Variants in GRIK4 observed in about 807,000 individuals in gnomAD.
The protein encoded by GRIK4 is glutamate ionotropic receptor kainate type subunit 4.
In GRIK4, 40 loss-of-function variants were observed where a neutral mutation model predicts 104.9. The observed-to-expected ratio is 0.38, with a 90% CI of 0.30 to 0.50. GRIK4 has a LOEUF of 0.50. Among genes scored for constraint, GRIK4 ranks in the 20% least tolerant of loss-of-function variants. The probability of loss-of-function intolerance (pLI) is 0.93; values close to 1 mark genes in which losing one functional copy is unlikely to be tolerated. For synonymous variants in GRIK4, 485 were observed against 524.9 expected (o/e 0.92, Z 1.04); for missense variants, 1,047 against 1,308.1 (o/e 0.80, Z 3.08).
intron 1 of GRIK4, among the ~76,000 whole-genome samples, chr11:120,651,126 G>A (rs1037090325): frequency 3.8e-4 from 58 of 152,298 alleles, no homozygotes; most frequent in African/African-American, 1.4e-3. Context: ...CAGCAAGCAG[G>A]CATGGGAGGC....
In GRIK4 at chr11:120,587,921, T is replaced by A. The variant is rs570074946; in HGVS notation, c.-158-65764T>A. Among the ~76,000 whole-genome samples the A allele has an allele frequency of 2.0e-3, 302 of 152,266 alleles. 1 individual carries two copies. The highest frequency in any genetic ancestry group is 7.0e-3 in the African/African-American group (289 of 41,544). Reference sequence around the variant, plus strand: ...AGCAACTAGCTGCATTATTAAGAGATCTTTCTAATTCCATCCTGATATGGC... The same window carrying A: ...AGCAACTAGCTGCATTATTAAGAGAACTTTCTAATTCCATCCTGATATGGC... On this transcript the variant is annotated intron_variant, in intron 1 of 20. Coordinates refer to ENST00000527524, the MANE Select transcript of GRIK4 (RefSeq NM_014619.5).
At chr11:120,919,360 T>C (rs73007833) in intron 13 of GRIK4, among the ~76,000 whole-genome samples, 2,649 of 151,768 alleles carry the variant, frequency 0.017, 36 homozygotes, top group Non-Finnish European at 0.03. Flanking sequence ...TTAAAGAGAG[T>C]GGAGAGTAAC....
intron 3 of GRIK4, among the ~76,000 whole-genome samples, chr11:120,687,604 A>G (rs1212848455): frequency 2.0e-5 from 3 of 151,998 alleles, no homozygotes; most frequent in Non-Finnish European, 2.9e-5. Context: ...TAACTTTTTT[A>G]TTGAATGCTC....
rs533031597 is a variant in GRIK4, at chr11:120,854,086, A to G, written c.745-7873A>G. Among the ~76,000 whole-genome samples, 8 of 152,362 alleles carry G rather than the reference A, an allele frequency of 5.3e-5. 1 individual carries two copies. Among genetic ancestry groups the G allele is most frequent in the African/African-American group, 1.4e-4 (6 of 41,590 alleles). ...TCGGGAGCCCCAAAAGCAGTGCATG[A>G]AAGTGCCCTGTAAGCTTCATTCAGC... is the stretch of plus-strand genomic sequence containing the variant. On this transcript the variant is annotated intron_variant, in intron 8 of 20. Transcript: ENST00000527524.
chr11:120,923,907 C>A (rs888152142), intron 13 of GRIK4, among the ~76,000 whole-genome samples: 2 of 152,128 alleles, frequency 1.3e-5, no homozygotes, highest in Non-Finnish European at 2.9e-5. Flanking sequence ...GGTAGTTCAT[C>A]CACCCAGCAC....
chr11:120,855,843 G>A (rs887606093), intron 8 of GRIK4, among the ~76,000 whole-genome samples: 2 of 152,236 alleles, frequency 1.3e-5, no homozygotes, highest in African/African-American at 2.4e-5. Flanking sequence ...GATTATAGGC[G>A]TGAGCCACCG....
At position 120,902,933 on chromosome 11, in the gene GRIK4, T is replaced by TCA. The variant is rs1447391200; in HGVS notation, c.1273-2355_1273-2354dup. ...GGACTCATCCAGAATCAGAATCACG[T>TCA]CACCTTCCACTCAGAGCTCCCGCTC... On this transcript the variant is annotated intron_variant, in intron 12 of 20. Coordinates refer to ENST00000527524, the MANE Select transcript of GRIK4 (RefSeq NM_014619.5). The surrounding 1 kb of genome is among the most constrained non-coding windows in gnomAD (Gnocchi z 4.5). Among the ~76,000 whole-genome samples, 4 of 152,066 alleles carry TCA rather than the reference T, an allele frequency of 2.6e-5. No individual in the cohort carries two copies. The highest frequency in any genetic ancestry group is 9.7e-5 in the African/African-American group (4 of 41,378).
chr11:120,780,363 C>A (rs1952129587), intron 3 of GRIK4, among the ~76,000 whole-genome samples: 1 of 152,204 alleles, frequency 6.6e-6, no homozygotes, highest in African/African-American at 2.4e-5. Flanking sequence ...ACCTTGGTAC[C>A]TCACATAGTG....
chr11:120,707,217 A>T lies in GRIK4; in HGVS notation c.82+46817A>T, dbSNP rs561367271. ...CTGGGAAGCCATGGAAGGGAGGCTAAGTACATGAGTCAGGACCACACACTG... is the reference window on the plus strand; with the variant it reads ...CTGGGAAGCCATGGAAGGGAGGCTATGTACATGAGTCAGGACCACACACTG... On this transcript the variant is annotated intron_variant, in intron 3 of 20. Transcript: ENST00000527524. Among the ~76,000 whole-genome samples, 4 of 152,348 alleles carry T rather than the reference A, an allele frequency of 2.6e-5. No homozygotes were observed. In the East Asian group the frequency reaches 7.7e-4, roughly 29 times the overall value.
chr11:120,690,153 T>C (rs1431362512), intron 3 of GRIK4, among the ~76,000 whole-genome samples: 1 of 152,162 alleles, frequency 6.6e-6, no homozygotes, highest in Non-Finnish European at 1.5e-5. Flanking sequence ...TTCTACCTGC[T>C]CCCCTCGTCA....
chr11:120,889,059 T>TG (rs2134445193), intron 11 of GRIK4, among the ~76,000 whole-genome samples: 1 of 152,322 alleles, frequency 6.6e-6, no homozygotes, highest in African/African-American at 2.4e-5. Context: ...TGGTTCCCTC[T>TG]GCTACTAGAA....
chr11:120,933,247 C>T (rs1565447522), intron 13 of GRIK4, among the ~76,000 whole-genome samples: 1 of 152,232 alleles, frequency 6.6e-6, no homozygotes, highest in Non-Finnish European at 1.5e-5. Flanking sequence ...GTTAGGGCTG[C>T]ACATACACAG....
At chr11:120,881,557 C>G (rs1321287199) in intron 11 of GRIK4, among the ~76,000 whole-genome samples, 1 of 152,184 alleles carries the variant, frequency 6.6e-6, no homozygotes, top group Non-Finnish European at 1.5e-5. Context: ...TGAGTTCTAA[C>G]CCAAGGAGGA....
chr11:120,525,626 C>T (rs577962697), intron 1 of GRIK4, among the ~76,000 whole-genome samples: 4 of 152,346 alleles, frequency 2.6e-5, no homozygotes, highest in South Asian at 4.1e-4. Flanking sequence ...AGGTTAGCCG[C>T]GTGCTACGTC....
At chr11:120,741,699 T>C (rs898005308) in intron 3 of GRIK4, among the ~76,000 whole-genome samples, 5 of 152,204 alleles carry the variant, frequency 3.3e-5, no homozygotes, top group African/African-American at 1.2e-4. Context: ...TATCTTAACT[T>C]TTCAGGTTAA....
At chr11:120,523,660 G>A (rs1947822578) in intron 1 of GRIK4, among the ~76,000 whole-genome samples, 1 of 152,222 alleles carries the variant, frequency 6.6e-6, no homozygotes, top group African/African-American at 2.4e-5. Flanking sequence ...TCACACAGCT[G>A]AACCTGGGCT....
At chr11:120,741,513 C>T (rs1951334269) in intron 3 of GRIK4, among the ~76,000 whole-genome samples, 1 of 151,840 alleles carries the variant, frequency 6.6e-6, no homozygotes, top group Non-Finnish European at 1.5e-5. Flanking sequence ...CTCTTGACCT[C>T]GTGATCCGCC....
At chr11:120,893,316 A>G (rs184432322) in intron 11 of GRIK4, among the ~76,000 whole-genome samples, 3 of 152,238 alleles carry the variant, frequency 2.0e-5, no homozygotes, top group Admixed American at 6.5e-5. Context: ...GTGCAAACAC[A>G]TCCCATATCG....
intron 13 of GRIK4, among the ~76,000 whole-genome samples, chr11:120,929,240 G>A (rs1391536815): frequency 6.6e-6 from 1 of 152,130 alleles, no homozygotes; most frequent in African/African-American, 2.4e-5. Flanking sequence ...AGCCCGCGGC[G>A]GGTGGCGTGG....
Sources: allele counts gnomAD v4.1 joint callset (sites outside exome capture counted in the v4.1 genomes callset), GRCh38; gene constraint gnomAD v4.1.1; non-coding constraint Gnocchi (gnomAD v3.1); transcripts MANE v1.5; gene names NCBI Gene and HGNC (gene_info 2026-07-23, HGNC 2026-07-21).